FRK: variants seen among roughly 807,000 people sequenced by gnomAD.
FRK encodes tyrosine-protein kinase FRK.
FRK carries 51 observed loss-of-function variants against 56.4 expected under a neutral mutation model. That is an observed-to-expected ratio of 0.90 (90% confidence interval 0.72 to 1.14). The LOEUF (loss-of-function observed/expected upper bound fraction) is 1.14. Among genes scored for constraint, FRK ranks in the 50% most tolerant of loss-of-function variants. The probability of loss-of-function intolerance (pLI) is 0.00; values close to 1 mark genes in which losing one functional copy is unlikely to be tolerated. For missense variants in FRK, 570 were observed against 601.4 expected, an observed-to-expected ratio of 0.95 and a Z score of 0.55; for synonymous variants, 245 against 217.9, an observed-to-expected ratio of 1.12 and a Z score of -1.10.
chr6:116,087,158 A>G, the FRK span, among the ~76,000 whole-genome samples: 2 of 152,202 alleles, frequency 1.3e-5, no homozygotes, highest in Non-Finnish European at 2.9e-5. Flanking sequence ...GTTATGTGCC[A>G]TCTCTTTCTC....
At chr6:116,089,973 A>G in the FRK span, among the ~76,000 whole-genome samples, 7 of 152,270 alleles carry the variant, frequency 4.6e-5, no homozygotes, top group Non-Finnish European at 7.3e-5. Flanking sequence ...CAGATTTAGC[A>G]AATAAAAATA....
rs185846140 is a variant in FRK, at chr6:116,025,590, T to C, written c.345-21592A>G. ...TTAAACAACTCTTTTCCAGATATGA[T>C]AAAGCTTGAAACCACATTCTTGTCA... On this transcript the variant is annotated intron_variant, in intron 1 of 7. Transcript: ENST00000606080. 3.2e-4 allele frequency among the ~76,000 whole-genome samples: 49 copies of C among 152,316 alleles called. No individual in the cohort carries two copies. In the East Asian group the frequency reaches 7.1e-3, roughly 22 times the overall value.
At chr6:116,059,677 C>T (rs1163934876) in intron 1 of FRK, among the ~76,000 whole-genome samples, 1 of 152,182 alleles carries the variant, frequency 6.6e-6, no homozygotes, top group African/African-American at 2.4e-5. Flanking sequence ...AGTTATTTTA[C>T]AGCCAAAGAG....
intron 2 of FRK, among the ~76,000 whole-genome samples, chr6:116,000,436 T>C (rs1204527838): frequency 6.6e-6 from 1 of 151,866 alleles, no homozygotes; most frequent in Non-Finnish European, 1.5e-5. Context: ...AGAGACAGGG[T>C]TTCACCATGT....
In FRK at chr6:116,003,899, T is replaced by C; in HGVS notation, c.444A>G (p.Gln148=). 6.2e-7 allele frequency: 1 copy of C among 1,613,690 alleles called. No individual in the cohort carries two copies. The highest frequency in any genetic ancestry group is 1.7e-4 in the Middle Eastern group (1 of 6,056). Residue 148 remains glutamine, a synonymous_variant, in exon 2 of 8, where the codon CAA becomes CAG. Coordinates refer to ENST00000606080, the MANE Select transcript of FRK (RefSeq NM_002031.3). ...TACCTGAAAGAGAGAATTCTCCTTT[T>C]TGGCTTTCACTTTCTCTGATTAGAA... The part of the protein sequence containing the change: ...GSFLIRESES[Q]KGEFSLSVLD...
At chr6:116,063,830 TA>T (rs1777702407), upstream of FRK, among the ~76,000 whole-genome samples, 2 of 152,186 alleles carry the variant, frequency 1.3e-5, no homozygotes, top group Middle Eastern at 3.4e-3. Context: ...AAGAAGGTAG[TA>T]TTTTTTTTTA....
At chr6:116,072,982 T>C in the FRK span, among the ~76,000 whole-genome samples, 1 of 152,150 alleles carries the variant, frequency 6.6e-6, no homozygotes, top group South Asian at 2.1e-4. Flanking sequence ...GGAAGTTTGT[T>C]ATGTAATTTT....
At chr6:116,077,531 T>G in the FRK span, among the ~76,000 whole-genome samples, 2 of 152,248 alleles carry the variant, frequency 1.3e-5, no homozygotes, top group Non-Finnish European at 2.9e-5. Context: ...TAATTCAGTG[T>G]GATCTTTCTC....
intron 4 of FRK, among the ~76,000 whole-genome samples, chr6:115,966,515 A>T (rs1239582947): frequency 6.6e-6 from 1 of 152,164 alleles, no homozygotes; most frequent in Non-Finnish European, 1.5e-5. Flanking sequence ...ACAGTTTGGG[A>T]ACCATGGTGT....
chr6:115,978,622 T>C (rs1349140754), intron 2 of FRK, among the ~76,000 whole-genome samples: 8 of 152,104 alleles, frequency 5.3e-5, no homozygotes, highest in African/African-American at 1.2e-4. Context: ...CAAATAAAGA[T>C]GTTTCAGTCA....
At chr6:116,098,258 C>T in the FRK span, among the ~76,000 whole-genome samples, 2 of 152,108 alleles carry the variant, frequency 1.3e-5, no homozygotes, top group South Asian at 2.1e-4. Context: ...ACTATAGGTG[C>T]CTGCCACCAT....
upstream of FRK, among the ~76,000 whole-genome samples, chr6:116,062,122 T>C (rs562663696): frequency 8.7e-4 from 132 of 152,304 alleles, no homozygotes; most frequent in African/African-American, 3.0e-3. Context: ...GACAGATCAA[T>C]TGGTTAAAAT....
intron 2 of FRK, among the ~76,000 whole-genome samples, chr6:115,983,007 G>T (rs1204594091): frequency 2.0e-5 from 3 of 151,730 alleles, no homozygotes; most frequent in African/African-American, 4.8e-5. Flanking sequence ...GGGAGGACAA[G>T]GTTGCAGTGA....
chr6:116,059,247 T>C (rs1324924568), intron 1 of FRK, among the ~76,000 whole-genome samples: 1 of 152,206 alleles, frequency 6.6e-6, no homozygotes, highest in Non-Finnish European at 1.5e-5. Flanking sequence ...AATTCATATT[T>C]CATTCAAATA....
At chr6:115,947,948 C>A (rs1772533336) in intron 5 of FRK, among the ~76,000 whole-genome samples, 1 of 152,130 alleles carries the variant, frequency 6.6e-6, no homozygotes, top group Admixed American at 6.5e-5. Context: ...TAAAATGGCT[C>A]CCAGTTACCA....
intron 1 of FRK, among the ~76,000 whole-genome samples, chr6:116,042,235 G>T (rs1346551324): frequency 1.3e-5 from 2 of 152,144 alleles, no homozygotes; most frequent in African/African-American, 4.8e-5. Context: ...TGAAACAAAG[G>T]CAGCAGCCCC....
At chr6:115,995,718 T>C (rs1186282903) in intron 2 of FRK, among the ~76,000 whole-genome samples, 1 of 152,176 alleles carries the variant, frequency 6.6e-6, no homozygotes, top group Non-Finnish European at 1.5e-5. Flanking sequence ...AAAGGTTCTT[T>C]GCCTGTGCAT....
chr6:115,940,223 A>T lies in FRK; in HGVS notation c.*2191T>A, dbSNP rs978145588. 1 of 152,212 alleles carries T rather than the reference A, an allele frequency of 6.6e-6. No individual in the cohort carries two copies. Among genetic ancestry groups the T allele is most frequent in the Non-Finnish European group, 1.5e-5 (1 of 68,032 alleles). 9.4% of individuals were successfully genotyped at this position (152,212 alleles called of 1,614,324 possible). ...TTGACAAACCTTACAAAAACAACCA[A>T]TGGGGAAAGGATTCCCTATTTAATA... On this transcript the variant is annotated 3_prime_UTR_variant, in exon 8 of 8. Transcript: ENST00000606080.
At chr6:115,952,455 C>T (rs994744255) in intron 5 of FRK, among the ~76,000 whole-genome samples, 1 of 152,046 alleles carries the variant, frequency 6.6e-6, no homozygotes, top group African/African-American at 2.4e-5. Flanking sequence ...GAAATAGGAA[C>T]ACTTTTACAC....
Sources: allele counts gnomAD v4.1 joint callset (sites outside exome capture counted in the v4.1 genomes callset), GRCh38; gene constraint gnomAD v4.1.1; transcripts MANE v1.5; gene names NCBI Gene and HGNC (gene_info 2026-07-23, HGNC 2026-07-21).